The following ABCC5 variants were observed in gnomAD, a reference collection of about 807,000 sequenced individuals.
ABCC5 encodes the protein ATP binding cassette subfamily C member 5, also known as ATP-binding cassette sub-family C member 5.
Under a neutral mutation model 160.9 loss-of-function variants are expected in ABCC5, and 61 were observed. That is an observed-to-expected ratio of 0.38 (90% CI 0.31 to 0.47). The LOEUF is 0.47. Among genes scored for constraint, ABCC5 ranks in the 20% least tolerant of loss-of-function variants. The probability of loss-of-function intolerance (pLI) is 0.99; values close to 1 mark genes in which losing one functional copy is unlikely to be tolerated. For synonymous variants in ABCC5, 666 were observed against 700.6 expected, an observed-to-expected ratio of 0.95 and a Z score of 0.78; for missense variants, 1,308 against 1,813.3, an observed-to-expected ratio of 0.72 and a Z score of 5.06.
At chr3:184,005,613 G>A (rs779550109) in intron 2 of ABCC5, among the ~76,000 whole-genome samples, 11 of 133,668 alleles carry the variant, frequency 8.2e-5, no homozygotes, top group Admixed American at 1.6e-4. Context: ...AGGGAAAAAC[G>A]GTAAGACATT....
At chr3:183,953,809 T>C (rs1431171045) in intron 17 of ABCC5, among the ~76,000 whole-genome samples, 2 of 152,012 alleles carry the variant, frequency 1.3e-5, no homozygotes, top group Non-Finnish European at 2.9e-5. Flanking sequence ...ACCACCACAG[T>C]GATTCGGCAC....
chr3:183,958,772 T>C (rs923711824), intron 17 of ABCC5, among the ~76,000 whole-genome samples: 1 of 152,056 alleles, frequency 6.6e-6, no homozygotes, highest in African/African-American at 2.4e-5. Flanking sequence ...CTAATTTTTA[T>C]ATTTTTTGGA....
Position 184,014,447 on chromosome 3 carries a change from C to T in ABCC5, c.-55G>A. On this transcript the variant is annotated splice_region_variant and 5_prime_UTR_variant, in exon 2 of 30. Transcript: ENST00000334444. ...AGACTGTTAGTTTCACATCAGAATT[C>T]CTGAAATTAAAAATTCATCAAGAAA... The T allele has an allele frequency of 6.5e-7, 1 of 1,536,790 alleles. No homozygotes were observed. Among genetic ancestry groups the T allele is most frequent in the East Asian group, 2.4e-5 (1 of 41,936 alleles).
rs1157569782 is a variant in ABCC5, at chr3:183,987,090, C to T, written c.591+680G>A. 1 of 155,970 alleles carries T rather than the reference C, an allele frequency of 6.4e-6. No homozygotes were observed. Among genetic ancestry groups the T allele is most frequent in the Admixed American group, 6.2e-5 (1 of 16,122 alleles). The allele number at this position is 155,970 out of a possible 1,614,324, so 9.7% of individuals were successfully genotyped here. A position where few individuals can be genotyped will look rare whatever the true frequency, so the allele number is the denominator to read the frequency against. On this transcript the variant is annotated intron_variant, in intron 5 of 29. Transcript: ENST00000334444. This position sits in a 1 kb window ranked among gnomAD's most constrained non-coding sequence, Gnocchi z 4.2. ...GTACTACTGCTCCGATGCCTCAAGG[C>T]AAATGTGTAGAGAATAGATTTAATC...
Position 183,971,666 on chromosome 3 carries a change from C to G in ABCC5, c.1658G>C (p.Ser553Thr). The G allele has an allele frequency of 6.2e-7, 1 of 1,614,232 alleles. No individual in the cohort carries two copies. The highest frequency in any genetic ancestry group is 8.5e-7 in the Non-Finnish European group (1 of 1,180,044). ...AEQKGHLLLD[S>T]DERPSPEEEE... ...CTCTTCGGGACTGGGCCGCTCGTCA[C>G]TGTCCAGGAGGAGGTGGCCTTTCTG... The change falls in exon 11 of 30, where the codon AGT (serine) becomes ACT (threonine). Residue 553 changes from serine to threonine, a missense_variant. By Grantham distance (58) the Ser-to-Thr change is moderately conservative. Around this residue, in one of 3 missense-constraint regions of ABCC5, gnomAD observed 1,142 missense variants for 1,527.1 expected, o/e 0.75. Transcript: ENST00000334444.
In ABCC5 at chr3:183,949,347, C is replaced by A. The variant is rs972887878; in HGVS notation, c.3227+406G>T. On this transcript the variant is annotated intron_variant, in intron 22 of 29. Transcript: ENST00000334444. This position sits in a 1 kb window ranked among gnomAD's most constrained non-coding sequence, Gnocchi z 4.2. Reference sequence around the variant, plus strand: ...ACCTTTTACTACTTAAAAGAAAAAGCAAAACTCTATGAAATATAGCTTTTC... The same window carrying A: ...ACCTTTTACTACTTAAAAGAAAAAGAAAAACTCTATGAAATATAGCTTTTC... Among the ~76,000 whole-genome samples, 1 of 152,208 alleles carries A rather than the reference C, an allele frequency of 6.6e-6. No homozygotes were observed. The highest frequency in any genetic ancestry group is 2.4e-5 in the African/African-American group (1 of 41,452).
intron 22 of ABCC5, among the ~76,000 whole-genome samples, chr3:183,948,162 G>C (rs1004121739): frequency 1.3e-5 from 2 of 152,256 alleles, no homozygotes; most frequent in African/African-American, 4.8e-5. Flanking sequence ...TGTACGACTA[G>C]AACTCCAGAG....
intron 26 of ABCC5, among the ~76,000 whole-genome samples, chr3:183,934,691 T>G (rs551400624): frequency 2.4e-4 from 37 of 152,270 alleles, no homozygotes; most frequent in African/African-American, 8.7e-4. Flanking sequence ...TTATATAATT[T>G]AAAAAAGCAG....
At position 183,951,734 on chromosome 3, in the gene ABCC5, A is replaced by G. The variant is rs914771382; in HGVS notation, c.2814+123T>C. The G allele has an allele frequency of 2.0e-6, 3 of 1,477,976 alleles. No homozygotes were observed. Among genetic ancestry groups the G allele is most frequent in the Middle Eastern group, 2.4e-4 (1 of 4,092 alleles). 91.6% of individuals were successfully genotyped at this position (1,477,976 alleles called of 1,614,324 possible). The stretch of plus-strand genomic sequence containing the variant: ...GGTGGAGGCTAACGGAATATGAGTC[A>G]TCTCAGCCAGGGCCATCCTGGTTAA... On this transcript the variant is annotated intron_variant, in intron 19 of 29. Transcript: ENST00000334444. This position sits in a 1 kb window ranked among gnomAD's most constrained non-coding sequence, Gnocchi z 4.7.
chr3:184,017,032 G>T lies in ABCC5; in HGVS notation c.-56+798C>A, dbSNP rs778416675. 2.0e-5 allele frequency among the ~76,000 whole-genome samples: 3 copies of T among 152,148 alleles called. No individual in the cohort carries two copies. Among genetic ancestry groups the T allele is most frequent in the African/African-American group, 7.2e-5 (3 of 41,430 alleles). ...ACACCCACTGTAATCCACTTGTTGC[G>T]TCTCCAAGCAGCCTCACCTTTCATA... On this transcript the variant is annotated intron_variant, in intron 1 of 29. Transcript: ENST00000334444. This position sits in a 1 kb window ranked among gnomAD's most constrained non-coding sequence, Gnocchi z 4.5.
chr3:184,016,461 C>T (rs977770051), intron 1 of ABCC5, among the ~76,000 whole-genome samples: 2 of 152,120 alleles, frequency 1.3e-5, no homozygotes, highest in Non-Finnish European at 2.9e-5. Flanking sequence ...TGGAGGCCGG[C>T]GAAGAGCTGG....
intron 26 of ABCC5, among the ~76,000 whole-genome samples, chr3:183,931,925 G>A (rs894578064): frequency 1.3e-5 from 2 of 152,208 alleles, no homozygotes; most frequent in Admixed American, 6.5e-5. Flanking sequence ...AAAAGTGTCT[G>A]AACATGAGGG....
chr3:183,976,606 T>A (rs1008228821), intron 10 of ABCC5, among the ~76,000 whole-genome samples: 4 of 152,142 alleles, frequency 2.6e-5, no homozygotes, highest in African/African-American at 9.7e-5. Flanking sequence ...TGTAAACAAG[T>A]AGAATACAAA....
At chr3:183,933,150 A>G (rs1158864950) in intron 26 of ABCC5, among the ~76,000 whole-genome samples, 1 of 148,878 alleles carries the variant, frequency 6.7e-6, no homozygotes, top group Non-Finnish European at 1.5e-5. Context: ...CCCAGGTGAC[A>G]AAGCGAGACT....
At position 183,952,042 on chromosome 3, in the gene ABCC5, C is replaced by T. The variant is rs146767064; in HGVS notation, c.2668-39G>A. On this transcript the variant is annotated intron_variant, in intron 18 of 29. Coordinates refer to ENST00000334444, the MANE Select transcript of ABCC5 (RefSeq NM_005688.4). ...AAGTTCTATGAGGCCAGACTCCTAACGACTGCCAAGAGCCCCTGCTCAGCG... is the reference window on the plus strand; with the variant it reads ...AAGTTCTATGAGGCCAGACTCCTAATGACTGCCAAGAGCCCCTGCTCAGCG... 529 of 1,586,348 alleles carry T rather than the reference C, an allele frequency of 3.3e-4. 1 individual carries two copies. In the African/African-American group the frequency reaches 6.1e-3, roughly 18 times the overall value.
chr3:183,925,733 A>C lies in ABCC5; in HGVS notation c.4048-14T>G. ...TAAAATCAGAATCTGCCAGAGAAGC[A>C]GAGGAGAAAGAAACTCGATTAAATT... is the stretch of plus-strand genomic sequence containing the variant. On this transcript the variant is annotated splice_polypyrimidine_tract_variant and intron_variant, in intron 28 of 29. Coordinates refer to ENST00000334444, the MANE Select transcript of ABCC5 (RefSeq NM_005688.4). 3 of 1,607,390 alleles carry C rather than the reference A, an allele frequency of 1.9e-6. No individual in the cohort carries two copies. The highest frequency in any genetic ancestry group is 1.3e-5 in the African/African-American group (1 of 74,432).
At chr3:183,990,396 C>T (rs376495235) in intron 2 of ABCC5, among the ~76,000 whole-genome samples, 9 of 152,298 alleles carry the variant, frequency 5.9e-5, no homozygotes, top group Middle Eastern at 6.8e-3. Context: ...TGAGCTGCCG[C>T]GCCCAGCTTA....
In ABCC5 at chr3:183,921,524, C is replaced by T; in HGVS notation, c.4213-123G>A. 2 of 650,428 alleles carry T rather than the reference C, an allele frequency of 3.1e-6. No homozygotes were observed. Among genetic ancestry groups the T allele is most frequent in the South Asian group, 3.3e-5 (1 of 29,940 alleles). 40.3% of individuals were successfully genotyped at this position (650,428 alleles called of 1,614,324 possible). A position where few individuals can be genotyped will look rare whatever the true frequency, so the allele number is the denominator to read the frequency against. On this transcript the variant is annotated intron_variant, in intron 29 of 29. Coordinates refer to ENST00000334444, the MANE Select transcript of ABCC5 (RefSeq NM_005688.4). This position sits in a 1 kb window ranked among gnomAD's most constrained non-coding sequence, Gnocchi z 4.1. ...AGAATCTGGGGACAATTCAACTAGC[C>T]CTGCGTGCACCTCCCCCCTTATTTT...
chr3:183,954,629 A>G (rs1489672625), intron 17 of ABCC5, among the ~76,000 whole-genome samples: 1 of 152,170 alleles, frequency 6.6e-6, no homozygotes, highest in African/African-American at 2.4e-5. Flanking sequence ...TGGAGGAGAG[A>G]AAAGGTTCAA....
Sources: gnomAD v4.1 joint callset for allele counts (sites outside exome capture counted in the v4.1 genomes callset) on GRCh38, gnomAD v4.1.1 for gene constraint, gnomAD v4.1.1 regional missense constraint, Gnocchi (gnomAD v3.1) non-coding constraint, MANE v1.5 for transcripts, NCBI Gene and HGNC (gene_info 2026-07-23, HGNC 2026-07-21) for gene names.